The following NAALADL2 variants were observed in gnomAD, a reference collection of about 807,000 sequenced individuals.
NAALADL2 encodes the protein N-acetylated alpha-linked acidic dipeptidase like 2, also known as inactive N-acetylated-alpha-linked acidic dipeptidase-like protein 2.
Under a neutral mutation model 87.2 loss-of-function variants are expected in NAALADL2, and 76 were observed. The observed-to-expected ratio is 0.87, with a 90% CI of 0.72 to 1.05. The LOEUF is 1.05. Among genes scored for constraint, NAALADL2 ranks in the 50% least tolerant of loss-of-function variants. The pLI, the probability that NAALADL2 is intolerant of heterozygous loss-of-function variation, is 0.00. For missense variants in NAALADL2, 1,089 were observed against 945.8 expected (o/e 1.15, Z -1.99); for synonymous variants, 354 against 331.0 (o/e 1.07, Z -0.75).
At chr3:174,479,859 T>C (rs1004039033) in intron 1 of NAALADL2, among the ~76,000 whole-genome samples, 78 of 152,124 alleles carry the variant, frequency 5.1e-4, no homozygotes, top group African/African-American at 1.9e-3. Flanking sequence ...AACATGATAG[T>C]ACATTGGTGA....
chr3:175,062,411 A>T (rs949366307), intron 1 of NAALADL2, among the ~76,000 whole-genome samples: 1 of 151,252 alleles, frequency 6.6e-6, no homozygotes, highest in Admixed American at 6.6e-5. Flanking sequence ...TTGTGACACC[A>T]CTTAACTTGT....
chr3:174,836,234 C>T (rs566686141), intron 3 of NAALADL2, among the ~76,000 whole-genome samples: 2 of 151,998 alleles, frequency 1.3e-5, no homozygotes, highest in South Asian at 2.1e-4. Flanking sequence ...AAGCTAGTCG[C>T]AAAAAATAGC....
intron 9 of NAALADL2, among the ~76,000 whole-genome samples, chr3:175,496,983 A>C (rs532470547): frequency 6.6e-6 from 1 of 152,276 alleles, no homozygotes; most frequent in Non-Finnish European, 1.5e-5. Flanking sequence ...ATAGATGATA[A>C]ATTAAAAACT....
intron 12 of NAALADL2, among the ~76,000 whole-genome samples, chr3:175,740,993 C>A (rs946993022): frequency 6.6e-6 from 1 of 152,072 alleles, no homozygotes; most frequent in African/African-American, 2.4e-5. Context: ...TGACAGTGAT[C>A]TAGTGGAGAG....
chr3:175,571,985 A>C (rs2149543828), intron 9 of NAALADL2, among the ~76,000 whole-genome samples: 1 of 152,288 alleles, frequency 6.6e-6, no homozygotes, highest in Non-Finnish European at 1.5e-5. Flanking sequence ...TGGGAAGTAA[A>C]GAATGAGGTA....
chr3:175,172,026 G>A (rs1291734433), intron 2 of NAALADL2, among the ~76,000 whole-genome samples: 2 of 151,992 alleles, frequency 1.3e-5, no homozygotes, highest in African/African-American at 4.8e-5. Flanking sequence ...TAGAAACAAA[G>A]TCTTTTATAT....
At chr3:174,944,427 C>T (rs941485830) in intron 1 of NAALADL2, among the ~76,000 whole-genome samples, 18 of 152,114 alleles carry the variant, frequency 1.2e-4, no homozygotes, top group African/African-American at 2.4e-4. Context: ...GATGTTGGCC[C>T]ACCCCTCCCC....
chr3:175,150,273 A>C (rs1210791570), intron 2 of NAALADL2, among the ~76,000 whole-genome samples: 2 of 152,132 alleles, frequency 1.3e-5, no homozygotes, highest in Non-Finnish European at 2.9e-5. Flanking sequence ...GCCTATTACA[A>C]ATAAAATTTG....
chr3:175,781,655 CAAAAA>C (rs777223385), intron 13 of NAALADL2, among the ~76,000 whole-genome samples: 5 of 97,584 alleles, frequency 5.1e-5, no homozygotes, highest in African/African-American at 1.6e-4. Flanking sequence ...TCATTTTTAG[CAAAAA>C]AAAAAAAAAA....
chr3:175,127,661 C>T (rs1428666914), intron 2 of NAALADL2, among the ~76,000 whole-genome samples: 1 of 97,288 alleles, frequency 1.0e-5, no homozygotes, highest in Non-Finnish European at 2.1e-5. Flanking sequence ...TATATTTATG[C>T]TGACTATACT....
At chr3:174,812,152 T>C (rs1443461129) in intron 3 of NAALADL2, among the ~76,000 whole-genome samples, 1 of 152,196 alleles carries the variant, frequency 6.6e-6, no homozygotes, top group Non-Finnish European at 1.5e-5. Context: ...GTGTTTTTTT[T>C]AATAGCAGCG....
At chr3:175,191,104 T>C (rs2109056399) in intron 2 of NAALADL2, among the ~76,000 whole-genome samples, 1 of 152,268 alleles carries the variant, frequency 6.6e-6, no homozygotes, top group African/African-American at 2.4e-5. Flanking sequence ...ATTTTTGCTA[T>C]ATGAGAAGAT....
chr3:174,780,254 G>A lies in NAALADL2; in HGVS notation c.-9+42508G>A, dbSNP rs147769430. 3.1e-3 allele frequency among the ~76,000 whole-genome samples: 471 copies of A among 152,158 alleles called. 4 individuals are homozygous for A. In the East Asian group the frequency reaches 0.034, roughly 11 times the overall value. On this transcript the variant is annotated intron_variant, in intron 3 of 3. Transcript: ENST00000434257. The stretch of plus-strand genomic sequence containing the variant: ...ATTCTCTTTGTAGCAATTGTAAATG[G>A]GAGTTCACTCACTATTTGGCTCTCT...
intron 2 of NAALADL2, among the ~76,000 whole-genome samples, chr3:174,641,613 T>G (rs1207584196): frequency 6.6e-6 from 1 of 152,172 alleles, no homozygotes; most frequent in Non-Finnish European, 1.5e-5. Context: ...TAAAGTAAGT[T>G]ACTTGAGATC....
At chr3:175,774,404 T>G (rs1323291677) in intron 13 of NAALADL2, among the ~76,000 whole-genome samples, 1 of 152,040 alleles carries the variant, frequency 6.6e-6, no homozygotes, top group Non-Finnish European at 1.5e-5. Context: ...CTATATTCAT[T>G]TTAAAAGAAA....
At chr3:175,783,688 C>T (rs1751482309) in intron 13 of NAALADL2, among the ~76,000 whole-genome samples, 2 of 151,620 alleles carry the variant, frequency 1.3e-5, no homozygotes, top group South Asian at 4.2e-4. Context: ...ATTGAATACC[C>T]TTTATTTCCT....
intron 1 of NAALADL2, among the ~76,000 whole-genome samples, chr3:174,541,563 G>C (rs1251085706): frequency 6.6e-6 from 1 of 152,156 alleles, no homozygotes; most frequent in Non-Finnish European, 1.5e-5. Context: ...TGTAGTATGT[G>C]CATGAAAATA....
At chr3:174,765,870 G>A (rs1713743747) in intron 3 of NAALADL2, among the ~76,000 whole-genome samples, 1 of 152,192 alleles carries the variant, frequency 6.6e-6, no homozygotes, top group African/African-American at 2.4e-5. Context: ...TAAAAGAAAT[G>A]ATAGAGGAGC....
chr3:174,546,194 AG>A (rs1239267807), intron 1 of NAALADL2, among the ~76,000 whole-genome samples: 1 of 152,074 alleles, frequency 6.6e-6, no homozygotes, highest in African/African-American at 2.4e-5. Flanking sequence ...TATTTTCTCA[AG>A]GGGTAGAAGG....
Sources: gnomAD v4.1 joint callset for allele counts (sites outside exome capture counted in the v4.1 genomes callset) on GRCh38, gnomAD v4.1.1 for gene constraint, MANE v1.5 for transcripts, NCBI Gene and HGNC (gene_info 2026-07-23, HGNC 2026-07-21) for gene names.